The following EGFLAM variants were observed in gnomAD, a reference collection of about 807,000 sequenced individuals.
EGFLAM encodes EGF like, fibronectin type III and laminin G domains, also known as pikachurin.
A neutral mutation model predicts 113.1 loss-of-function variants in EGFLAM; 79 were observed. That is an observed-to-expected ratio of 0.70 (90% CI 0.58 to 0.84). The LOEUF (loss-of-function observed/expected upper bound fraction) is 0.84, where lower values mean the gene tolerates loss of function less well. EGFLAM is among the 40% of genes least tolerant of loss of function. The pLI, the probability that EGFLAM is intolerant of heterozygous loss-of-function variation, is 0.00. For synonymous variants in EGFLAM, 504 were observed against 487.6 expected (o/e 1.03, Z -0.44); for missense variants, 1,265 against 1,291.6 (o/e 0.98, Z 0.32).
In EGFLAM at chr5:38,373,399, C is replaced by T. The variant is rs144685195; in HGVS notation, c.712+2937C>T. Among the ~76,000 whole-genome samples, 1,069 of 152,264 alleles carry T rather than the reference C, an allele frequency of 7.0e-3. 7 individuals carry two copies. Among genetic ancestry groups the T allele is most frequent in the South Asian group, 0.033 (157 of 4,820 alleles). ...ACCTAAGAAGTAATTTTTCAGCCCC[C>T]ACCTCCCTCCCAACCTCCCCGCTGC... On this transcript the variant is annotated intron_variant, in intron 6 of 21. Coordinates refer to ENST00000322350, the MANE Select transcript of EGFLAM (RefSeq NM_152403.4).
At chr5:38,305,717 G>T (rs141355008) in intron 1 of EGFLAM, 149 of 177,196 alleles carry the variant, frequency 8.4e-4, no homozygotes, top group African/African-American at 3.3e-3. Context: ...ACTGGCAAAA[G>T]TACAAATTTT....
chr5:38,317,164 G>GA (rs750120431), intron 1 of EGFLAM, among the ~76,000 whole-genome samples: 51 of 152,098 alleles, frequency 3.4e-4, no homozygotes, highest in Non-Finnish European at 5.6e-4. Context: ...TTCCTCATTT[G>GA]AAAAATGGAT....
chr5:38,331,789 G>A (rs1739049277), intron 1 of EGFLAM, among the ~76,000 whole-genome samples: 1 of 152,044 alleles, frequency 6.6e-6, no homozygotes, highest in Non-Finnish European at 1.5e-5. Context: ...ATAATACTCT[G>A]TTGTCTGGAA....
chr5:38,350,485 G>T lies in EGFLAM; in HGVS notation c.292-16G>T. ...TGTACTGATTGTTAGCATCTTTCTT[G>T]TTTGGTCATTGACAGGAGGAAGTGA... On this transcript the variant is annotated splice_polypyrimidine_tract_variant and intron_variant, in intron 3 of 21. Coordinates refer to ENST00000322350, the MANE Select transcript of EGFLAM (RefSeq NM_152403.4). The T allele has an allele frequency of 6.2e-7, 1 of 1,611,618 alleles. No individual in the cohort carries two copies. The highest frequency in any genetic ancestry group is 8.5e-7 in the Non-Finnish European group (1 of 1,178,248).
At chr5:38,274,261 A>G (rs1039255264) in intron 1 of EGFLAM, among the ~76,000 whole-genome samples, 2 of 152,186 alleles carry the variant, frequency 1.3e-5, no homozygotes, top group Non-Finnish European at 2.9e-5. Context: ...AGTAGATGAA[A>G]AACAAAGGGG....
chr5:38,403,006 A>G (rs558789249), intron 6 of EGFLAM, among the ~76,000 whole-genome samples: 2 of 152,358 alleles, frequency 1.3e-5, no homozygotes, highest in South Asian at 4.1e-4. Flanking sequence ...AAACTACTGA[A>G]GACAAAAGCC....
intron 1 of EGFLAM, among the ~76,000 whole-genome samples, chr5:38,316,063 C>A (rs1266453240): frequency 7.5e-6 from 1 of 133,450 alleles, no homozygotes; most frequent in Non-Finnish European, 1.5e-5. Context: ...GGCAACAGAG[C>A]AAGACTCTGT....
rs1444978056 is a variant in EGFLAM, at chr5:38,260,340, A to G, written c.97+1489A>G. On this transcript the variant is annotated intron_variant, in intron 1 of 21. Coordinates refer to ENST00000322350, the MANE Select transcript of EGFLAM (RefSeq NM_152403.4). ...ATATCTATAGTTTTAAAGCATGAAC[A>G]GTGTATGCAATGCTTTTTAAAGGAT... Among the ~76,000 whole-genome samples, 7 of 152,382 alleles carry G rather than the reference A, an allele frequency of 4.6e-5. No individual in the cohort carries two copies. In the South Asian group the frequency reaches 1.0e-3, roughly 23 times the overall value.
At chr5:38,305,586 G>A (rs1361510247) in intron 1 of EGFLAM, 1 of 326,080 alleles carries the variant, frequency 3.1e-6, no homozygotes, top group African/African-American at 2.2e-5. Context: ...ATATTTACTA[G>A]ATAGAAAAGG....
At chr5:38,330,479 TTC>T (rs969648082) in intron 1 of EGFLAM, among the ~76,000 whole-genome samples, 1 of 152,290 alleles carries the variant, frequency 6.6e-6, no homozygotes, top group African/African-American at 2.4e-5. Context: ...CTCTCATTCA[TTC>T]TCTCTCTCCC....
chr5:38,434,774 A>C (rs1742291458), intron 15 of EGFLAM, among the ~76,000 whole-genome samples: 1 of 152,224 alleles, frequency 6.6e-6, no homozygotes, highest in Non-Finnish European at 1.5e-5. Context: ...ATAAGAAGTC[A>C]CACAAGCTCA....
chr5:38,418,545 C>T (rs16903967), intron 12 of EGFLAM, among the ~76,000 whole-genome samples: 3,597 of 152,310 alleles, frequency 0.024, 149 homozygotes, highest in African/African-American at 0.08. Flanking sequence ...CATGGTCTTA[C>T]TGGACAAAGC....
rs561569142 is a variant in EGFLAM at position 38,359,158 on chromosome 5, C to A, written c.545+6827C>A. Among the ~76,000 whole-genome samples the A allele has an allele frequency of 2.0e-5, 3 of 152,236 alleles. No individual in the cohort carries two copies. In the East Asian group the frequency reaches 5.8e-4, roughly 29 times the overall value. ...ATATATAGTATGGTGGCAATGAAAA[C>A]CAAAAGCCTGGAAAAACGTTCCTCA... On this transcript the variant is annotated intron_variant, in intron 5 of 21. Coordinates refer to ENST00000322350, the MANE Select transcript of EGFLAM (RefSeq NM_152403.4).
intron 5 of EGFLAM, among the ~76,000 whole-genome samples, chr5:38,369,717 G>A: frequency 6.6e-6 from 1 of 152,236 alleles, no homozygotes; most frequent in South Asian, 2.1e-4. Context: ...TCCCAGATGG[G>A]AGCTCTAAGC....
At chr5:38,271,802 A>G (rs1757771928) in intron 1 of EGFLAM, among the ~76,000 whole-genome samples, 1 of 152,222 alleles carries the variant, frequency 6.6e-6, no homozygotes, top group African/African-American at 2.4e-5. Flanking sequence ...TTGTTCAAGA[A>G]AAGCACCATG....
rs190857626 is a variant in EGFLAM, at chr5:38,436,621, C to T, written c.2283+1368C>T. ...ACAAGCTGGGATGCTAAGACGTTTC[C>T]CATCCTCTGCCCGCTCTTCTCAGGC... On this transcript the variant is annotated intron_variant, in intron 16 of 21. Coordinates refer to ENST00000322350, the MANE Select transcript of EGFLAM (RefSeq NM_152403.4). Among the ~76,000 whole-genome samples, 23 of 152,282 alleles carry T rather than the reference C, an allele frequency of 1.5e-4. No homozygotes were observed. In the East Asian group the frequency reaches 4.2e-3, roughly 28 times the overall value.
At chr5:38,340,425 A>T (rs923762335) in intron 3 of EGFLAM, among the ~76,000 whole-genome samples, 31 of 152,218 alleles carry the variant, frequency 2.0e-4, no homozygotes, top group Non-Finnish European at 8.8e-5. Context: ...GCATTAGAGT[A>T]TGCTATCAAA....
At chr5:38,334,082 C>T (rs1404783410) in intron 1 of EGFLAM, among the ~76,000 whole-genome samples, 1 of 151,930 alleles carries the variant, frequency 6.6e-6, no homozygotes, top group African/African-American at 2.4e-5. Context: ...TGCCACCACG[C>T]CCAGCTAATT....
At chr5:38,382,497 T>C (rs562237875) in intron 6 of EGFLAM, among the ~76,000 whole-genome samples, 14 of 152,326 alleles carry the variant, frequency 9.2e-5, no homozygotes, top group Non-Finnish European at 1.0e-4. Context: ...TGGTATCTTT[T>C]TGAAGCAGAG....
Sources: allele counts gnomAD v4.1 joint callset (sites outside exome capture counted in the v4.1 genomes callset), GRCh38; gene constraint gnomAD v4.1.1; transcripts MANE v1.5; gene names NCBI Gene and HGNC (gene_info 2026-07-23, HGNC 2026-07-21).